The following GRIN2A variants were observed in gnomAD, a reference collection of about 807,000 sequenced individuals.
GRIN2A encodes the protein glutamate ionotropic receptor NMDA type subunit 2A, also known as glutamate receptor ionotropic, NMDA 2A.
A neutral mutation model predicts 113.4 loss-of-function variants in GRIN2A; 22 were observed. The observed-to-expected ratio is 0.19, with a 90% CI of 0.14 to 0.28. GRIN2A has a LOEUF of 0.28. GRIN2A is among the 10% of genes least tolerant of loss of function. The probability of loss-of-function intolerance (pLI) is 1.00; values close to 1 mark genes in which losing one functional copy is unlikely to be tolerated. For missense variants in GRIN2A, 1,502 were observed against 1,887.0 expected, an observed-to-expected ratio of 0.80 and a Z score of 3.78; for synonymous variants, 827 against 738.4, an observed-to-expected ratio of 1.12 and a Z score of -1.94.
Position 10,083,298 on chromosome 16 carries a change from T to C in GRIN2A, c.414+96700A>G, listed in dbSNP as rs1273756064. ...TTCTTCCAACCGCAGACTCCACGAG[T>C]GCTTATGTACATGAGAAGACGTGTG... On this transcript the variant is annotated intron_variant, in intron 2 of 12. Transcript: ENST00000330684. Among the ~76,000 whole-genome samples, 9 of 152,184 alleles carry C rather than the reference T, an allele frequency of 5.9e-5. No homozygotes were observed. In the East Asian group the frequency reaches 1.7e-3, roughly 29 times the overall value.
chr16:9,853,662 G>A (rs1028477732), intron 4 of GRIN2A, among the ~76,000 whole-genome samples: 11 of 152,122 alleles, frequency 7.2e-5, no homozygotes, highest in African/African-American at 2.7e-4. Context: ...ATTTATAGAA[G>A]TCACCATGGA....
rs1900496815 is a variant in GRIN2A, at chr16:9,759,764, A to G, written c.*3385T>C. The G allele has an allele frequency of 4.4e-6, 1 of 228,200 alleles. No homozygotes were observed. The highest frequency in any genetic ancestry group is 2.2e-5 in the African/African-American group (1 of 45,066). The allele number at this position is 228,200 out of a possible 1,614,324, so 14.1% of individuals were successfully genotyped here. Reference sequence around the variant, plus strand: ...GAGATTGTGAGATTATAATCCTGCAAGTCTCTCTGGCAGAAAGATAGACCT... The same window carrying G: ...GAGATTGTGAGATTATAATCCTGCAGGTCTCTCTGGCAGAAAGATAGACCT... On this transcript the variant is annotated 3_prime_UTR_variant, in exon 13 of 13. Coordinates refer to ENST00000330684, the MANE Select transcript of GRIN2A (RefSeq NM_001134407.3).
At chr16:10,151,430 C>T (rs1365427038) in intron 2 of GRIN2A, among the ~76,000 whole-genome samples, 1 of 152,112 alleles carries the variant, frequency 6.6e-6, no homozygotes, top group African/African-American at 2.4e-5. Flanking sequence ...AAGCATGAAG[C>T]GATGGGAAAC....
Position 9,760,213 on chromosome 16 carries a change from A to G in GRIN2A, c.*2936T>C, listed in dbSNP as rs1255151056. 4 of 226,740 alleles carry G rather than the reference A, an allele frequency of 1.8e-5. No individual in the cohort carries two copies. Among genetic ancestry groups the G allele is most frequent in the Non-Finnish European group, 3.5e-5 (4 of 114,054 alleles). 14.0% of individuals were successfully genotyped at this position (226,740 alleles called of 1,614,324 possible). A position where few individuals can be genotyped will look rare whatever the true frequency, so the allele number is the denominator to read the frequency against. On this transcript the variant is annotated 3_prime_UTR_variant, in exon 13 of 13. Transcript: ENST00000330684. ...GATAGATCTATAGTCTCAGGCTTCCAGGCTTCCTATTTAATTCTTGTTACT... is the reference window on the plus strand; with the variant it reads ...GATAGATCTATAGTCTCAGGCTTCCGGGCTTCCTATTTAATTCTTGTTACT...
chr16:10,119,390 T>TAAATAAA (rs77205798), intron 2 of GRIN2A, among the ~76,000 whole-genome samples: 5 of 8,628 alleles, frequency 5.8e-4, no homozygotes, highest in Non-Finnish European at 1.6e-3. Flanking sequence ...GATGAGTTGT[T>TAAATAAA]TTCATGCTTA....
At chr16:10,051,922 G>A (rs2047366739) in intron 2 of GRIN2A, among the ~76,000 whole-genome samples, 1 of 152,170 alleles carries the variant, frequency 6.6e-6, no homozygotes, top group Non-Finnish European at 1.5e-5. Flanking sequence ...ACTGTTACGT[G>A]GGCACCATAA....
intron 3 of GRIN2A, among the ~76,000 whole-genome samples, chr16:9,903,169 C>T (rs1254715974): frequency 4.6e-5 from 7 of 152,014 alleles, no homozygotes; most frequent in Non-Finnish European, 1.0e-4. Flanking sequence ...CGGGGTTTCA[C>T]TGTGTTAGCC....
At chr16:10,119,267 G>T (rs928390758) in intron 2 of GRIN2A, among the ~76,000 whole-genome samples, 1 of 152,154 alleles carries the variant, frequency 6.6e-6, no homozygotes, top group African/African-American at 2.4e-5. Context: ...AAGTTGGGTG[G>T]GAACCTCAGG....
chr16:10,050,242 G>A (rs1438807557), intron 2 of GRIN2A, among the ~76,000 whole-genome samples: 1 of 152,138 alleles, frequency 6.6e-6, no homozygotes, highest in Non-Finnish European at 1.5e-5. Context: ...AAGAAGCCAG[G>A]AGCCAAGGAA....
At chr16:9,890,771 G>A (rs898304355) in intron 4 of GRIN2A, among the ~76,000 whole-genome samples, 5 of 152,200 alleles carry the variant, frequency 3.3e-5, no homozygotes, top group Admixed American at 6.5e-5. Flanking sequence ...GACATACAGC[G>A]CACCACACAA....
At chr16:9,874,515 C>T (rs770172015) in intron 4 of GRIN2A, among the ~76,000 whole-genome samples, 30 of 152,190 alleles carry the variant, frequency 2.0e-4, no homozygotes, top group Non-Finnish European at 3.7e-4. Context: ...GGCACATCCA[C>T]TGTGCAGGGA....
chr16:9,907,182 AAAAGAGATTAT>A (rs2044044054), intron 3 of GRIN2A, among the ~76,000 whole-genome samples: 1 of 152,222 alleles, frequency 6.6e-6, no homozygotes, highest in Admixed American at 6.5e-5. Flanking sequence ...GGCAATTATG[AAAAGAGATTAT>A]AAACATTTGT....
intron 2 of GRIN2A, among the ~76,000 whole-genome samples, chr16:10,081,715 G>A (rs188682914): frequency 1.5e-3 from 234 of 152,270 alleles, no homozygotes; most frequent in African/African-American, 5.1e-3. Context: ...AAGCACACAT[G>A]AGACAAGCTT....
chr16:10,029,532 G>C (rs12596917), intron 2 of GRIN2A, among the ~76,000 whole-genome samples: 21,842 of 152,176 alleles, frequency 0.14, 2,429 homozygotes, highest in East Asian at 0.5. Flanking sequence ...AAAAGAACAA[G>C]AATGCTGTAT....
At chr16:9,941,205 G>T (rs72772131) in intron 2 of GRIN2A, among the ~76,000 whole-genome samples, 1 of 152,110 alleles carries the variant, frequency 6.6e-6, no homozygotes, top group Non-Finnish European at 1.5e-5. Context: ...GGGAAGATTG[G>T]TACTGGTGGA....
At chr16:10,159,459 G>A (rs1033846081) in intron 2 of GRIN2A, among the ~76,000 whole-genome samples, 4 of 152,156 alleles carry the variant, frequency 2.6e-5, no homozygotes, top group African/African-American at 9.7e-5. Flanking sequence ...AACTACTAAG[G>A]ACTATATCTA....
intron 2 of GRIN2A, among the ~76,000 whole-genome samples, chr16:10,016,363 G>C (rs2046611559): frequency 6.6e-6 from 1 of 151,594 alleles, no homozygotes; most frequent in African/African-American, 2.4e-5. Context: ...GCTCAAACAA[G>C]ATGGGGTCAG....
rs146026256 is a variant in GRIN2A at position 9,958,051 on chromosome 16, G to A, written c.415-19500C>T. ...TAAACTGCTTTAGAATCACAGCTCTGCTATCTCCAAGCTGGGTGACTATGA... is the reference window on the plus strand; with the variant it reads ...TAAACTGCTTTAGAATCACAGCTCTACTATCTCCAAGCTGGGTGACTATGA... On this transcript the variant is annotated intron_variant, in intron 2 of 12. Transcript: ENST00000330684. Among the ~76,000 whole-genome samples, 854 of 152,284 alleles carry A rather than the reference G, an allele frequency of 5.6e-3. 8 individuals carry two copies. Among genetic ancestry groups the A allele is most frequent in the African/African-American group, 0.018 (761 of 41,566 alleles).
intron 2 of GRIN2A, among the ~76,000 whole-genome samples, chr16:10,156,526 C>T (rs879873893): frequency 6.6e-6 from 1 of 152,078 alleles, no homozygotes; most frequent in Non-Finnish European, 1.5e-5. Context: ...ATACTGGGCA[C>T]TGAGGGGAGG....
Sources: gnomAD v4.1 joint callset for allele counts (sites outside exome capture counted in the v4.1 genomes callset) on GRCh38, gnomAD v4.1.1 for gene constraint, MANE v1.5 for transcripts, NCBI Gene and HGNC (gene_info 2026-07-23, HGNC 2026-07-21) for gene names.